The following CCSER2 variants were observed in gnomAD, a reference collection of about 807,000 sequenced individuals.
CCSER2 encodes the protein coiled-coil serine rich protein 2, also known as serine-rich coiled-coil domain-containing protein 2.
CCSER2 carries 46 observed loss-of-function variants against 92.3 expected under a neutral mutation model. The observed-to-expected ratio is 0.50, with a 90% CI of 0.39 to 0.64. The LOEUF is 0.64. Among genes scored for constraint, CCSER2 ranks in the 30% least tolerant of loss-of-function variants. The pLI is 0.00. For missense variants in CCSER2, 1,244 were observed against 1,238.9 expected, an observed-to-expected ratio of 1.00 and a Z score of -0.06; for synonymous variants, 433 against 431.4, an observed-to-expected ratio of 1.00 and a Z score of -0.04.
Position 84,380,662 on chromosome 10 carries a change from C to CTG in CCSER2, c.1614+6851_1614+6852dup, listed in dbSNP as rs1206306350. ...AAACTTCACCTCTGTCATGTACTAG[C>CTG]TGTGTCTCCTTGGATTCTCTGTGTT... On this transcript the variant is annotated intron_variant, in intron 3 of 9. Transcript: ENST00000372088. 1.5e-4 allele frequency among the ~76,000 whole-genome samples: 22 copies of CTG among 150,998 alleles called. 1 individual carries two copies. In the South Asian group the frequency reaches 4.6e-3, roughly 32 times the overall value.
Position 84,371,286 on chromosome 10 carries a change from T to A in CCSER2, c.234T>A (p.Gly78=). The change falls in exon 2 of 10, where the codon GGT becomes GGA. Residue 78 remains glycine, a synonymous_variant. Transcript: ENST00000372088. ...KANKYQLCAQ[G]VEEPNNTQNS... ...ATAAATATCAGCTTTGTGCACAAGGTGTCGAAGAGCCTAACAATACTCAAA... is the reference window on the plus strand; with the variant it reads ...ATAAATATCAGCTTTGTGCACAAGGAGTCGAAGAGCCTAACAATACTCAAA... 6.2e-7 allele frequency: 1 copy of A among 1,613,546 alleles called. No individual in the cohort carries two copies. The highest frequency in any genetic ancestry group is 8.5e-7 in the Non-Finnish European group (1 of 1,179,742).
At chr10:84,459,034 T>C (rs1013483456) in intron 6 of CCSER2, among the ~76,000 whole-genome samples, 5 of 152,180 alleles carry the variant, frequency 3.3e-5, no homozygotes, top group African/African-American at 1.2e-4. Context: ...CTTTGAGACG[T>C]TCTCGCTGTG....
intron 1 of CCSER2, among the ~76,000 whole-genome samples, chr10:84,334,517 G>A (rs1843729999): frequency 6.6e-6 from 1 of 152,048 alleles, no homozygotes; most frequent in African/African-American, 2.4e-5. Context: ...TTATATTAAG[G>A]TTTGGAGCCA....
chr10:84,417,061 C>CTT (rs1757639177), intron 3 of CCSER2, among the ~76,000 whole-genome samples: 1 of 152,220 alleles, frequency 6.6e-6, no homozygotes, highest in African/African-American at 2.4e-5. Context: ...TGTAAGGACG[C>CTT]ACCAGTGGGC....
intron 9 of CCSER2, chr10:84,499,986 C>T (rs1275218940): frequency 6.2e-7 from 1 of 1,613,774 alleles, no homozygotes; most frequent in Non-Finnish European, 8.5e-7. Flanking sequence ...CACTCCTATC[C>T]TGCTCTGGCT....
intron 3 of CCSER2, among the ~76,000 whole-genome samples, chr10:84,394,162 T>C (rs1460330577): frequency 6.6e-6 from 1 of 152,250 alleles, no homozygotes; most frequent in Non-Finnish European, 1.5e-5. Flanking sequence ...ATGTTTCTTA[T>C]AGATTATGTT....
At chr10:84,382,189 T>C (rs958723534) in intron 3 of CCSER2, among the ~76,000 whole-genome samples, 1 of 152,210 alleles carries the variant, frequency 6.6e-6, no homozygotes, top group Non-Finnish European at 1.5e-5. Context: ...GGGAGTGGGC[T>C]TGGGGACTCC....
intron 1 of CCSER2, among the ~76,000 whole-genome samples, chr10:84,345,365 T>C (rs1421963065): frequency 6.6e-6 from 1 of 152,196 alleles, no homozygotes; most frequent in Admixed American, 6.5e-5. Flanking sequence ...CTCCTCTTAA[T>C]ACAACTCAGA....
intron 5 of CCSER2, among the ~76,000 whole-genome samples, chr10:84,437,776 G>A (rs1260206805): frequency 2.7e-5 from 4 of 145,740 alleles, no homozygotes; most frequent in African/African-American, 5.1e-5. Context: ...GTAGTGGTGC[G>A]ATCTTGGCTC....
rs1044478725 is a variant in CCSER2, at chr10:84,477,431, G to A, written c.2236-144G>A. 1.5e-5 allele frequency: 8 copies of A among 532,778 alleles called. No individual in the cohort carries two copies. In the African/African-American group the frequency reaches 1.6e-4, roughly 10 times the overall value. The allele number at this position is 532,778 out of a possible 1,614,324, so 33.0% of individuals were successfully genotyped here. A position where few individuals can be genotyped will look rare whatever the true frequency, so the allele number is the denominator to read the frequency against. ...CCTAAAAGAGCCCTGATTACCTCCT[G>A]TCATGGCTGTTAATTTTTTTTATAG... On this transcript the variant is annotated intron_variant, in intron 8 of 9. Transcript: ENST00000372088.
At chr10:84,492,422 T>C (rs1848226319) in intron 9 of CCSER2, among the ~76,000 whole-genome samples, 2 of 152,348 alleles carry the variant, frequency 1.3e-5, no homozygotes, top group Admixed American at 1.3e-4. Context: ...CTGTAAATAG[T>C]AACAGTGTTC....
intron 9 of CCSER2, among the ~76,000 whole-genome samples, chr10:84,496,620 G>C (rs181005785): frequency 3.3e-5 from 5 of 152,276 alleles, no homozygotes; most frequent in African/African-American, 4.8e-5. Flanking sequence ...AATGGGGGCT[G>C]GGGCCACAGG....
chr10:84,378,720 C>T (rs1185889114), intron 3 of CCSER2, among the ~76,000 whole-genome samples: 1 of 152,152 alleles, frequency 6.6e-6, no homozygotes, highest in African/African-American at 2.4e-5. Flanking sequence ...CAGGCATGTG[C>T]CACCGCGCCC....
intron 3 of CCSER2, among the ~76,000 whole-genome samples, chr10:84,409,569 TTG>T (rs1842544600): frequency 6.8e-6 from 1 of 147,908 alleles, no homozygotes. Context: ...AACTGCTTGA[TTG>T]CTCTCTTTTT....
chr10:84,404,636 C>T (rs180755689), intron 3 of CCSER2, among the ~76,000 whole-genome samples: 7 of 152,112 alleles, frequency 4.6e-5, no homozygotes, highest in Non-Finnish European at 7.4e-5. Flanking sequence ...GGATCATTGT[C>T]CTCAAAAGTC....
chr10:84,389,757 C>G (rs1046637599), intron 3 of CCSER2: 1 of 153,310 alleles, frequency 6.5e-6, no homozygotes, highest in African/African-American at 2.4e-5. Context: ...TAGAATCACA[C>G]GTTGGTTTTG....
intron 9 of CCSER2, among the ~76,000 whole-genome samples, chr10:84,496,198 C>A (rs940412372): frequency 4.6e-5 from 7 of 152,106 alleles, no homozygotes; most frequent in Non-Finnish European, 1.5e-5. Context: ...TTATAAGTTT[C>A]TTAAATATTT....
intron 4 of CCSER2, among the ~76,000 whole-genome samples, chr10:84,421,157 G>T (rs750547756): frequency 6.6e-6 from 1 of 152,140 alleles, no homozygotes; most frequent in Non-Finnish European, 1.5e-5. Context: ...ATGCATTTGT[G>T]CAGTTAATCT....
chr10:84,363,631 A>G (rs1845627772), intron 1 of CCSER2, among the ~76,000 whole-genome samples: 2 of 152,204 alleles, frequency 1.3e-5, no homozygotes, highest in Non-Finnish European at 2.9e-5. Context: ...TCCTCAGATG[A>G]TGAGGTAATG....
Sources: gnomAD v4.1 joint callset for allele counts (sites outside exome capture counted in the v4.1 genomes callset) on GRCh38, gnomAD v4.1.1 for gene constraint, MANE v1.5 for transcripts, NCBI Gene and HGNC (gene_info 2026-07-23, HGNC 2026-07-21) for gene names.